Variants in DNAH17 observed in about 807,000 individuals in gnomAD.
DNAH17 encodes the protein axonemal beta dynein heavy chain 17.
DNAH17 carries 376 observed loss-of-function variants against 485.6 expected under a neutral mutation model. The ratio of observed to expected loss-of-function variants is 0.77; its 90% CI spans 0.71 to 0.84. DNAH17 has a LOEUF of 0.84. Ranked by LOEUF, DNAH17 falls within the 40% of genes least tolerant of loss-of-function variation. The pLI, the probability that DNAH17 is intolerant of heterozygous loss-of-function variation, is 0.00. For synonymous variants in DNAH17, 3,031 were observed against 2,405.9 expected, an observed-to-expected ratio of 1.26 and a Z score of -7.60; for missense variants, 6,370 against 5,839.3, an observed-to-expected ratio of 1.09 and a Z score of -2.96.
At chr17:78,572,106 A>AT (rs2092366992) in intron 3 of DNAH17, among the ~76,000 whole-genome samples, 1 of 152,158 alleles carries the variant, frequency 6.6e-6, no homozygotes, top group Admixed American at 6.5e-5. Context: ...ACCACCGGAC[A>AT]TGGTGCTTGG....
chr17:78,426,144 A>C (rs1452052431), intron 79 of DNAH17, among the ~76,000 whole-genome samples: 1 of 152,162 alleles, frequency 6.6e-6, no homozygotes, highest in African/African-American at 2.4e-5. Context: ...ATAATTTAGG[A>C]GCCCAAAGAG....
intron 56 of DNAH17, 149 bp from the exon 57 acceptor site, chr17:78,463,226 G>A (rs1302715978): frequency 2.2e-5 from 15 of 682,164 alleles, no homozygotes; most frequent in East Asian, 2.7e-5. Context: ...GGGCTCCTGA[G>A]AGCAACAGAT....
rs182272125 is a variant in DNAH17, at chr17:78,426,209, C to G, written c.12915+248G>C. 2.4e-3 allele frequency among the ~76,000 whole-genome samples: 358 copies of G among 152,098 alleles called. 2 individuals carry two copies. The highest frequency in any genetic ancestry group is 0.022 in the Admixed American group (332 of 15,288). ...AGAGGACGGCTTACCCTTTGAGGGT[C>G]GCTTGAGGAGGAGCTGATGGAAGCT... On this transcript the variant is annotated intron_variant, in intron 79 of 80. Transcript: ENST00000389840.
In DNAH17 at chr17:78,516,084, G is replaced by A. The variant is rs560640381; in HGVS notation, c.3865-1062C>T. Among the ~76,000 whole-genome samples, 7 of 152,308 alleles carry A rather than the reference G, an allele frequency of 4.6e-5. No individual in the cohort carries two copies. In the East Asian group the frequency reaches 1.2e-3, roughly 25 times the overall value. On this transcript the variant is annotated intron_variant, in intron 25 of 80. Coordinates refer to ENST00000389840, the MANE Select transcript of DNAH17 (RefSeq NM_173628.4). ...CTGGACTTGAGAAACATCTGAGCTT[G>A]AGAACGTAAAAACTGGGAGTGTTCA...
Position 78,463,080 on chromosome 17 carries a change from A to G in DNAH17, c.8941-3T>C. 1 of 1,613,270 alleles carries G rather than the reference A, an allele frequency of 6.2e-7. No individual in the cohort carries two copies. The highest frequency in any genetic ancestry group is 8.5e-7 in the Non-Finnish European group (1 of 1,179,366). ...CTGATGGAGGCCTTGACTTCCCACTACAAAGATGAGACAGCCAGTCATCCC... is the reference window on the plus strand; with the variant it reads ...CTGATGGAGGCCTTGACTTCCCACTGCAAAGATGAGACAGCCAGTCATCCC... On this transcript the variant is annotated splice_region_variant and splice_polypyrimidine_tract_variant and intron_variant, in intron 56 of 80. Transcript: ENST00000389840.
At chr17:78,449,656 C>T in intron 68 of DNAH17, 72 bp from the exon 69 acceptor site, 2 of 1,302,506 alleles carry the variant, frequency 1.5e-6, no homozygotes, top group Non-Finnish European at 2.1e-6. Flanking sequence ...GCCACCACTC[C>T]CTGCCACCTG....
intron 62 of DNAH17, 25 bp from the exon 63 acceptor site, chr17:78,455,861 A>G: frequency 1.3e-6 from 2 of 1,554,822 alleles, no homozygotes; most frequent in Non-Finnish European, 1.7e-6. Context: ...GAGAGAATAA[A>G]ACATATTTGC....
chr17:78,547,977 T>C (rs1568236571), intron 16 of DNAH17, among the ~76,000 whole-genome samples: 14 of 152,166 alleles, frequency 9.2e-5, no homozygotes, highest in African/African-American at 7.2e-5. Flanking sequence ...ATCTTACACA[T>C]TATCTATTGT....
At chr17:78,434,903 G>T (rs2086808344) in intron 74 of DNAH17, among the ~76,000 whole-genome samples, 1 of 152,206 alleles carries the variant, frequency 6.6e-6, no homozygotes, top group African/African-American at 2.4e-5. Context: ...CTGTGTGGGG[G>T]GAGGGCTTCA....
At position 78,429,148 on chromosome 17, in the gene DNAH17, A is replaced by G. The variant is rs1235455186; in HGVS notation, c.12378T>C (p.Phe4126=). The G allele has an allele frequency of 6.2e-7, 1 of 1,613,276 alleles. No homozygotes were observed. Among genetic ancestry groups the G allele is most frequent in the Non-Finnish European group, 8.5e-7 (1 of 1,179,740 alleles). Residue 4126 remains phenylalanine, a synonymous_variant, in exon 76 of 81, where the codon TTT becomes TTC. Coordinates refer to ENST00000389840, the MANE Select transcript of DNAH17 (RefSeq NM_173628.4). ...TGTAGTCCAGGTTGGGGGGGATCTG[A>G]AAGCCGGGGGCCAGCAGGACGTCTC... ...LEGDVLLAPG[F]QIPPNLDYKG... is the part of the protein sequence containing the mutation.
intron 19 of DNAH17, chr17:78,532,979 A>C: frequency 2.6e-6 from 1 of 382,468 alleles, no homozygotes; most frequent in Non-Finnish European, 4.7e-6. Flanking sequence ...ACAGCCCAGA[A>C]CTCCTGGGCT....
chr17:78,433,822 G>C (rs1300845830), intron 75 of DNAH17, among the ~76,000 whole-genome samples: 3 of 152,080 alleles, frequency 2.0e-5, no homozygotes, highest in African/African-American at 7.2e-5. Flanking sequence ...CAGCAGGCTG[G>C]AGAGATCACA....
intron 19 of DNAH17, among the ~76,000 whole-genome samples, chr17:78,533,586 A>G (rs1347282201): frequency 1.3e-5 from 2 of 152,216 alleles, no homozygotes; most frequent in Non-Finnish European, 2.9e-5. Context: ...TGGTTAAGCA[A>G]AGAGAGAACT....
At position 78,569,405 on chromosome 17, in the gene DNAH17, G is replaced by C; in HGVS notation, c.1167C>G (p.Phe389Leu). Residue 389 changes from phenylalanine to leucine, a missense_variant, in exon 8 of 81, where the codon TTC becomes TTG. By Grantham distance (22) the Phe-to-Leu change is conservative. Coordinates refer to ENST00000389840, the MANE Select transcript of DNAH17 (RefSeq NM_173628.4). ...AGAAAAGCTTCATGTTCACGCAGCA[G>C]AAGTCGTACGTCTGGTAGAGCTCCT... ...VLKELYQTYD[F>L]CCVNMKLFFK... 4 of 1,613,092 alleles carry C rather than the reference G, an allele frequency of 2.5e-6. No individual in the cohort carries two copies. The highest frequency in any genetic ancestry group is 3.4e-6 in the Non-Finnish European group (4 of 1,179,486).
rs778684573 is a variant in DNAH17, at chr17:78,537,346, C to A, written c.2812G>T (p.Val938Leu). 1 of 1,604,344 alleles carries A rather than the reference C, an allele frequency of 6.2e-7. No individual in the cohort carries two copies. Among genetic ancestry groups the A allele is most frequent in the Non-Finnish European group, 8.5e-7 (1 of 1,175,958 alleles). Residue 938 changes from valine (V) to leucine (L), a missense_variant, in exon 19 of 81, where the codon GTA becomes TTA. Transcript: ENST00000389840. ...GCCAGCCGAGGGATGAGCCTGGCTA[C>A]GTTGTAGATGTCGTTGACCAGGCCC... ...IEGLVNDIYN[V>L]ARLIPRLAKD...
chr17:78,549,344 C>G (rs1298561024), intron 16 of DNAH17, among the ~76,000 whole-genome samples: 6 of 152,174 alleles, frequency 3.9e-5, no homozygotes, highest in African/African-American at 1.4e-4. Flanking sequence ...GAAGAGGGCC[C>G]TCACCAGGAA....
At chr17:78,448,317 A>C (rs1461968438) in intron 69 of DNAH17, among the ~76,000 whole-genome samples, 1 of 152,100 alleles carries the variant, frequency 6.6e-6, no homozygotes, top group Non-Finnish European at 1.5e-5. Context: ...TGGGCAACAG[A>C]GCGAGACTTT....
chr17:78,559,818 C>T (rs2092112946), intron 13 of DNAH17, among the ~76,000 whole-genome samples: 2 of 152,106 alleles, frequency 1.3e-5, no homozygotes, highest in South Asian at 2.1e-4. Context: ...TGCCCATTCC[C>T]CCGCCCCACT....
Position 78,529,659 on chromosome 17 carries a change from C to T in DNAH17, c.3320G>A (p.Arg1107Lys), listed in dbSNP as rs2091175691. 3 of 1,614,014 alleles carry T rather than the reference C, an allele frequency of 1.9e-6. No individual in the cohort carries two copies. Among genetic ancestry groups the T allele is most frequent in the Non-Finnish European group, 8.5e-7 (1 of 1,179,870 alleles). Reference protein sequence around the residue: ...ADLEAFMKVARMGLTKPLKEG... With the variant: ...ADLEAFMKVAKMGLTKPLKEG... ...CTTGAGGGGCTTGGTCAAGCCCATT[C>T]TGGCGACTTTCATGAAGGCTTCCAG... is the stretch of plus-strand genomic sequence containing the variant. The change falls in exon 22 of 81, where the codon AGA becomes AAA. Residue 1107 changes from arginine (R) to lysine (K), a missense_variant. Transcript: ENST00000389840.
Sources: gnomAD v4.1 joint callset for allele counts (sites outside exome capture counted in the v4.1 genomes callset) on GRCh38, gnomAD v4.1.1 for gene constraint, MANE v1.5 for transcripts, NCBI Gene and HGNC (gene_info 2026-07-23, HGNC 2026-07-21) for gene names.